Variants in SLC15A5 observed in about 807,000 individuals in gnomAD.
SLC15A5 encodes the protein Peptide/histidine transporter ENSP00000340402.
In SLC15A5, 58 loss-of-function variants were observed where a neutral mutation model predicts 56.1. That is an observed-to-expected ratio of 1.03 (90% CI 0.84 to 1.29). The LOEUF is 1.29. Among genes scored for constraint, SLC15A5 ranks in the 50% most tolerant of loss-of-function variants. The probability of loss-of-function intolerance (pLI) is 0.00; values close to 1 mark genes in which losing one functional copy is unlikely to be tolerated. For missense variants in SLC15A5, 681 were observed against 672.1 expected (o/e 1.01, Z -0.15); for synonymous variants, 264 against 250.5 (o/e 1.05, Z -0.51).
chr12:16,221,684 A>C (rs1284950968), intron 6 of SLC15A5, among the ~76,000 whole-genome samples: 1 of 152,202 alleles, frequency 6.6e-6, no homozygotes, highest in African/African-American at 2.4e-5. Context: ...GAAGAACACC[A>C]CAACTGTTTT....
chr12:16,255,212 G>T (rs1489096745), intron 3 of SLC15A5, among the ~76,000 whole-genome samples: 36 of 151,964 alleles, frequency 2.4e-4, no homozygotes, highest in Admixed American at 2.3e-3. Context: ...AAATGATAAA[G>T]ATGGTAAATT....
At chr12:16,263,013 A>C (rs189558594) in intron 2 of SLC15A5, among the ~76,000 whole-genome samples, 5 of 152,268 alleles carry the variant, frequency 3.3e-5, no homozygotes, top group Admixed American at 6.5e-5. Context: ...ATAATACAGT[A>C]AATTGGTACC....
At chr12:16,242,192 T>TAC (rs1242200671) in intron 4 of SLC15A5, among the ~76,000 whole-genome samples, 2 of 152,210 alleles carry the variant, frequency 1.3e-5, no homozygotes, top group East Asian at 3.8e-4. Context: ...TTATTCTTGG[T>TAC]ACTTTGATTG....
intron 5 of SLC15A5, among the ~76,000 whole-genome samples, chr12:16,226,207 C>G (rs908668250): frequency 6.6e-6 from 1 of 152,120 alleles, no homozygotes; most frequent in African/African-American, 2.4e-5. Flanking sequence ...TACTTATAAT[C>G]CCTAATACAA....
chr12:16,253,943 A>G (rs1215093237), intron 3 of SLC15A5, among the ~76,000 whole-genome samples: 2 of 152,154 alleles, frequency 1.3e-5, no homozygotes, highest in Non-Finnish European at 2.9e-5. Context: ...GTATATATCC[A>G]TAAGAATTCA....
At chr12:16,225,706 A>T (rs1864234495) in intron 5 of SLC15A5, among the ~76,000 whole-genome samples, 1 of 152,260 alleles carries the variant, frequency 6.6e-6, no homozygotes, top group Non-Finnish European at 1.5e-5. Flanking sequence ...AAAAATGCTC[A>T]TCATCACGGG....
At chr12:16,205,382 C>T (rs1306385965) in intron 7 of SLC15A5, among the ~76,000 whole-genome samples, 1 of 151,432 alleles carries the variant, frequency 6.6e-6, no homozygotes, top group Non-Finnish European at 1.5e-5. Context: ...TATTTATCCT[C>T]ACTGAAGGAA....
Position 16,224,435 on chromosome 12 carries a change from C to A in SLC15A5, c.1330G>T (p.Glu444Ter), listed in dbSNP as rs1000289362. 1 of 1,537,144 alleles carries A rather than the reference C, an allele frequency of 6.5e-7. No individual in the cohort carries two copies. The highest frequency in any genetic ancestry group is 8.7e-7 in the Non-Finnish European group (1 of 1,146,862). Residue 444 changes from glutamate to a stop codon, truncating the protein, a stop_gained, in exon 6 of 9, where the codon GAA becomes TAA. Transcript: ENST00000344941. LOFTEE classifies it high-confidence loss of function. ...TCACGGGCTGGGTTTACCAGTGTTT[C>A]CGCCACTCCAAGTAAAACATACTGA... Reference protein sequence around the residue: ...ILQYVLLGVAETLVNPALSVI... With the variant: ...ILQYVLLGVA
At chr12:16,209,139 A>G (rs1420759075) in intron 7 of SLC15A5, among the ~76,000 whole-genome samples, 1 of 151,864 alleles carries the variant, frequency 6.6e-6, no homozygotes, top group Admixed American at 6.6e-5. Context: ...AAATTTTATG[A>G]ATACCTTCCA....
chr12:16,210,075 A>G (rs1329426439), intron 7 of SLC15A5, among the ~76,000 whole-genome samples: 1 of 152,132 alleles, frequency 6.6e-6, no homozygotes, highest in Non-Finnish European at 1.5e-5. Context: ...TTTTCAGCTT[A>G]CTGGCCTTCT....
chr12:16,263,328 A>G (rs1025554897), intron 2 of SLC15A5, among the ~76,000 whole-genome samples: 2 of 152,146 alleles, frequency 1.3e-5, no homozygotes, highest in African/African-American at 4.8e-5. Context: ...GATTTGTGGA[A>G]CTTTGAACTT....
At chr12:16,204,474 A>G (rs1863993973) in intron 7 of SLC15A5, among the ~76,000 whole-genome samples, 2 of 148,130 alleles carry the variant, frequency 1.4e-5, no homozygotes, top group Admixed American at 6.9e-5. Flanking sequence ...TAAAAATGTG[A>G]AATTCATCTA....
rs1200131845 is a variant in SLC15A5 at position 16,189,687 on chromosome 12, A to C, written c.1721T>G (p.Leu574Arg). 3 of 1,518,366 alleles carry C rather than the reference A, an allele frequency of 2.0e-6. No individual in the cohort carries two copies. The highest frequency in any genetic ancestry group is 1.8e-6 in the Non-Finnish European group (2 of 1,138,526). The allele number at this position is 1,518,366 out of a possible 1,614,324, so 94.1% of individuals were successfully genotyped here. A position where few individuals can be genotyped will look rare whatever the true frequency, so the allele number is the denominator to read the frequency against. ...SIQEFSSSID[L>R]WETAL ...ACAGTTTCATAGGGCTGTCTCCCAA[A>C]GATCAATACTTGAAGAAAATTCCTG... is the stretch of plus-strand genomic sequence containing the variant. The change falls in exon 9 of 9, where the codon CTT becomes CGT. Residue 574 changes from leucine to arginine, a missense_variant. Transcript: ENST00000344941.
chr12:16,224,175 T>TA (rs1864215698), intron 6 of SLC15A5, among the ~76,000 whole-genome samples: 1 of 152,224 alleles, frequency 6.6e-6, no homozygotes, highest in African/African-American at 2.4e-5. Flanking sequence ...TTAACCAGAT[T>TA]AAAAATCTTT....
chr12:16,241,222 C>T (rs1864412238), intron 4 of SLC15A5, among the ~76,000 whole-genome samples: 1 of 152,138 alleles, frequency 6.6e-6, no homozygotes, highest in Non-Finnish European at 1.5e-5. Flanking sequence ...AATGGATCCT[C>T]CAAACTCGTA....
rs1326151312 is a variant in SLC15A5, at chr12:16,277,554, G to C, written c.132C>G (p.Ile44Met). The change falls in exon 1 of 9, where the codon ATC becomes ATG. Residue 44 changes from isoleucine to methionine, a missense_variant. Transcript: ENST00000344941. ...SHSVKKIQVG[I>M]CLLLVELCER... is the part of the protein sequence containing the mutation. The stretch of plus-strand genomic sequence containing the variant: ...CACACAGCTCCACCAGAAGCAAGCA[G>C]ATTCCAACCTGAATTTTTTTCACAG... The C allele has an allele frequency of 3.3e-6, 5 of 1,536,588 alleles. No homozygotes were observed. The African/African-American group carries it at 5.5e-5, about 17-fold the overall frequency.
At chr12:16,248,270 A>G (rs770510921) in intron 3 of SLC15A5, among the ~76,000 whole-genome samples, 17 of 152,248 alleles carry the variant, frequency 1.1e-4, no homozygotes, top group Middle Eastern at 3.4e-3. Context: ...AGAGAGGTCA[A>G]TATAACATTG....
At chr12:16,214,877 A>G (rs1383445262) in intron 7 of SLC15A5, among the ~76,000 whole-genome samples, 1 of 152,114 alleles carries the variant, frequency 6.6e-6, no homozygotes, top group Non-Finnish European at 1.5e-5. Flanking sequence ...TGACAGCCCT[A>G]GGAATCTCCA....
intron 7 of SLC15A5, among the ~76,000 whole-genome samples, chr12:16,209,427 T>G (rs1460447960): frequency 6.6e-6 from 1 of 152,166 alleles, no homozygotes; most frequent in African/African-American, 2.4e-5. Flanking sequence ...CTATGTAATT[T>G]CATTCATTTC....
Sources: allele counts gnomAD v4.1 joint callset (sites outside exome capture counted in the v4.1 genomes callset), GRCh38; gene constraint gnomAD v4.1.1; transcripts MANE v1.5; gene names NCBI Gene and HGNC (gene_info 2026-07-23, HGNC 2026-07-21).